Variants in AFF2 observed in about 807,000 individuals in gnomAD.
AFF2 encodes the protein ALF transcription elongation factor 2, also known as AF4/FMR2 family member 2.
A neutral mutation model predicts 76.9 loss-of-function variants in AFF2; 14 were observed. That is an observed-to-expected ratio of 0.18 (90% CI 0.12 to 0.28). The LOEUF (loss-of-function observed/expected upper bound fraction) is 0.28. Among genes scored for constraint, AFF2 ranks in the 10% least tolerant of loss-of-function variants. AFF2 has a pLI of 1.00. For synonymous variants in AFF2, 398 were observed against 366.7 expected, an observed-to-expected ratio of 1.09 and a Z score of -0.98; for missense variants, 868 against 1,001.1, an observed-to-expected ratio of 0.87 and a Z score of 1.79.
chrX:148,998,651 CAATT>C lies in AFF2; in HGVS notation c.*7321_*7324del, dbSNP rs1247156148. The C allele has an allele frequency of 9.0e-6, 1 of 111,212 alleles. No individual in the cohort carries two copies. Among genetic ancestry groups the C allele is most frequent in the African/African-American group, 3.3e-5 (1 of 30,478 alleles). 9.2% of individuals were successfully genotyped at this position (111,212 alleles called of 1,213,427 possible). A position where few individuals can be genotyped will look rare whatever the true frequency, so the allele number is the denominator to read the frequency against. On this transcript the variant is annotated 3_prime_UTR_variant, in exon 21 of 21. Coordinates refer to ENST00000370460, the MANE Select transcript of AFF2 (RefSeq NM_002025.4). ...CAATCAACTTTAGTTGGAGGCCTGG[CAATT>C]ACAAACATCTTCAGATGTTTCTGTA...
At chrX:148,942,217 T>C (rs1032963815) in intron 9 of AFF2, among the ~76,000 whole-genome samples, 2 of 107,765 alleles carry the variant, frequency 1.9e-5, no homozygotes, top group Non-Finnish European at 3.8e-5. Context: ...AGGGGAAACG[T>C]GCCACTGTAG....
At chrX:148,965,123 T>C (rs943593882) in intron 13 of AFF2, among the ~76,000 whole-genome samples, 5 of 111,649 alleles carry the variant, frequency 4.5e-5, no homozygotes, top group African/African-American at 1.6e-4. Flanking sequence ...AAGCTCAAGC[T>C]AGCAGACAGC....
At chrX:148,516,169 C>T (rs1455182293) in intron 1 of AFF2, among the ~76,000 whole-genome samples, 2 of 111,320 alleles carry the variant, frequency 1.8e-5, no homozygotes, top group Non-Finnish European at 3.8e-5. Context: ...TAGGGCAAAA[C>T]GTCCCAAGCC....
chrX:148,650,262 A>G (rs1295770585), intron 1 of AFF2, among the ~76,000 whole-genome samples: 1 of 111,521 alleles, frequency 9.0e-6, no homozygotes, highest in Non-Finnish European at 1.9e-5. Context: ...ACATTGAGAC[A>G]CACAACAATT....
chrX:148,790,517 A>G (rs1381386521), intron 3 of AFF2, among the ~76,000 whole-genome samples: 1 of 111,664 alleles, frequency 9.0e-6, no homozygotes, highest in Non-Finnish European at 1.9e-5. Flanking sequence ...CATAAAAAGA[A>G]ATGAGATAAT....
chrX:148,960,207 A>G (rs1375961481), intron 12 of AFF2, among the ~76,000 whole-genome samples: 1 of 112,324 alleles, frequency 8.9e-6, no homozygotes, highest in East Asian at 2.8e-4. Context: ...ACATTTATAC[A>G]TTACACAAAC....
chrX:148,524,123 C>CTGTG (rs59890095), intron 1 of AFF2, among the ~76,000 whole-genome samples: 61 of 83,459 alleles, frequency 7.3e-4, no homozygotes, highest in Middle Eastern at 6.4e-3. Context: ...CTCTCTCTCT[C>CTGTG]TGTGTGTGTG....
At chrX:148,719,000 A>T in intron 3 of AFF2, 1 of 880,394 alleles carries the variant, frequency 1.1e-6, no homozygotes, top group South Asian at 3.8e-5. Flanking sequence ...TTAAATTGAG[A>T]TGATGTCATA....
intron 19 of AFF2, among the ~76,000 whole-genome samples, chrX:148,986,453 T>G (rs2072473205): frequency 8.9e-6 from 1 of 112,255 alleles, no homozygotes; most frequent in Non-Finnish European, 1.9e-5. Context: ...GGTGACTCCT[T>G]GTTGCGAATA....
At chrX:148,508,660 A>C (rs7881553) in intron 1 of AFF2, among the ~76,000 whole-genome samples, 98 of 112,312 alleles carry the variant, frequency 8.7e-4, no homozygotes, top group African/African-American at 3.0e-3. Context: ...GTCAGCCAAC[A>C]AATTTTTTAA....
intron 3 of AFF2, among the ~76,000 whole-genome samples, chrX:148,779,830 T>G (rs2069718629): frequency 8.9e-6 from 1 of 112,289 alleles, no homozygotes; most frequent in Admixed American, 9.4e-5. Context: ...TGGTGCAGTT[T>G]CTTCATAGTG....
intron 1 of AFF2, among the ~76,000 whole-genome samples, chrX:148,505,945 G>GTGTGTGTGTC (rs1281141556): frequency 1.0e-5 from 1 of 98,600 alleles, no homozygotes; most frequent in Non-Finnish European, 2.1e-5. Flanking sequence ...ACCTTTTTGA[G>GTGTGTGTGTC]TGTGTGTGTC....
At chrX:148,843,584 A>G in intron 7 of AFF2, 151 bp downstream of exon 7, 1 of 459,613 alleles carries the variant, frequency 2.2e-6, no homozygotes, top group Non-Finnish European at 3.7e-6. Flanking sequence ...GGGTGGGGGG[A>G]GAATCAAATT....
intron 3 of AFF2, among the ~76,000 whole-genome samples, chrX:148,730,575 A>G (rs1183754438): frequency 1.8e-5 from 2 of 113,003 alleles, no homozygotes; most frequent in African/African-American, 6.4e-5. Context: ...CTCCCCCAAC[A>G]TCTACTCCAC....
intron 9 of AFF2, among the ~76,000 whole-genome samples, chrX:148,934,681 C>T (rs1262540334): frequency 1.8e-5 from 2 of 111,825 alleles, no homozygotes; most frequent in Non-Finnish European, 3.8e-5. Context: ...AGTTGCTCAC[C>T]TGTAAAGTGA....
chrX:148,903,049 G>A (rs1322760625), intron 8 of AFF2, among the ~76,000 whole-genome samples: 1 of 109,234 alleles, frequency 9.2e-6, no homozygotes, highest in Non-Finnish European at 1.9e-5. Flanking sequence ...GCTAAAAGTG[G>A]TTGCCTCTGT....
Position 148,846,032 on chromosome X carries a change from T to C in AFF2, c.1262+2599T>C, listed in dbSNP as rs782665678. The stretch of plus-strand genomic sequence containing the variant: ...CACATGGGCACCAGGTCTGAAAACA[T>C]TGGCCACAGTGTGCCTGAGTATAAA... On this transcript the variant is annotated intron_variant, in intron 7 of 20. Transcript: ENST00000370460. Among the ~76,000 whole-genome samples the C allele has an allele frequency of 4.5e-5, 5 of 112,235 alleles. No individual in the cohort carries two copies. In the East Asian group the frequency reaches 8.4e-4, roughly 19 times the overall value.
intron 3 of AFF2, among the ~76,000 whole-genome samples, chrX:148,801,847 C>T (rs782025286): frequency 9.0e-6 from 1 of 111,706 alleles, no homozygotes; most frequent in African/African-American, 3.3e-5. Context: ...TTTATTCACT[C>T]TCTCCACCTC....
At chrX:148,726,372 G>C (rs1557264248) in intron 3 of AFF2, among the ~76,000 whole-genome samples, 1 of 112,000 alleles carries the variant, frequency 8.9e-6, no homozygotes, top group Non-Finnish European at 1.9e-5. Flanking sequence ...AGGGCCCCAG[G>C]TGGGCAAAAC....
Sources: gnomAD v4.1 joint callset for allele counts (sites outside exome capture counted in the v4.1 genomes callset) on GRCh38, gnomAD v4.1.1 for gene constraint, MANE v1.5 for transcripts, NCBI Gene and HGNC (gene_info 2026-07-23, HGNC 2026-07-21) for gene names.